The following C10orf90 variants were observed in gnomAD, a reference collection of about 807,000 sequenced individuals.
The protein encoded by C10orf90 is (E2-independent) E3 ubiquitin-conjugating enzyme FATS.
C10orf90 carries 56 observed loss-of-function variants against 62.5 expected under a neutral mutation model. The observed-to-expected ratio is 0.90, with a 90% confidence interval of 0.72 to 1.12. The LOEUF (loss-of-function observed/expected upper bound fraction) is 1.12. C10orf90 is among the 50% of genes most tolerant of loss of function. The pLI is 0.00. For missense variants in C10orf90, 970 were observed against 880.4 expected (o/e 1.10, Z -1.29); for synonymous variants, 386 against 340.4 (o/e 1.13, Z -1.47).
intron 8 of C10orf90, among the ~76,000 whole-genome samples, chr10:126,427,692 C>T (rs529459567): frequency 7.9e-5 from 12 of 152,298 alleles, no homozygotes; most frequent in Non-Finnish European, 1.6e-4. Flanking sequence ...ATTCTTCGGC[C>T]TCTGGACTCT....
chr10:126,469,660 C>G (rs919589969), intron 4 of C10orf90: 2 of 346,176 alleles, frequency 5.8e-6, no homozygotes, highest in Middle Eastern at 9.5e-4. Flanking sequence ...TGCCATGAAC[C>G]TAAACAGCCC....
At chr10:126,440,900 G>T (rs1266269615) in intron 7 of C10orf90, among the ~76,000 whole-genome samples, 1 of 152,166 alleles carries the variant, frequency 6.6e-6, no homozygotes, top group African/African-American at 2.4e-5. Context: ...ACAGCCTTCA[G>T]CCCTAGACCT....
At chr10:126,616,526 G>A (rs1245746215) in intron 2 of C10orf90, among the ~76,000 whole-genome samples, 2 of 152,120 alleles carry the variant, frequency 1.3e-5, no homozygotes, top group African/African-American at 4.8e-5. Context: ...CTGGGCCTGG[G>A]GAAGATTTCG....
intron 4 of C10orf90, 26 bp from the exon 5 acceptor site, chr10:126,465,012 CA>C: frequency 6.3e-7 from 1 of 1,588,254 alleles, no homozygotes; most frequent in Non-Finnish European, 8.6e-7. Context: ...GAGTTGTGCT[CA>C]AAATCTCTTA....
Position 126,459,080 on chromosome 10 carries a change from G to A in C10orf90, c.2148C>T (p.Arg716=), listed in dbSNP as rs1282530841. 1 of 1,613,824 alleles carries A rather than the reference G, an allele frequency of 6.2e-7. No individual in the cohort carries two copies. Among genetic ancestry groups the A allele is most frequent in the Non-Finnish European group, 8.5e-7 (1 of 1,180,030 alleles). ...GAATCGTGAACTGCTTCTTGCTGGTGCGGATGGGAAGGAGGCTCTGCTTCT... is the reference window on the plus strand; with the variant it reads ...GAATCGTGAACTGCTTCTTGCTGGTACGGATGGGAAGGAGGCTCTGCTTCT... ...LRQKQSLLPI[R]TSKKQFTIPH... Residue 716 remains arginine, a synonymous_variant, in exon 7 of 10, where the codon CGC becomes CGT. Coordinates refer to ENST00000488181, the MANE Select transcript of C10orf90 (RefSeq NM_001350921.2).
chr10:126,529,243 G>A (rs1279449341), intron 2 of C10orf90, among the ~76,000 whole-genome samples: 2 of 152,076 alleles, frequency 1.3e-5, no homozygotes, highest in African/African-American at 4.8e-5. Flanking sequence ...AACCTTAAAC[G>A]CAAAAGGTAA....
intron 2 of C10orf90, among the ~76,000 whole-genome samples, chr10:126,570,119 G>A (rs942079582): frequency 2.0e-5 from 3 of 152,180 alleles, no homozygotes; most frequent in Admixed American, 6.5e-5. Flanking sequence ...TGAGCTCTGC[G>A]CTGATCGTAT....
At chr10:126,510,025 C>G (rs1863002520) in intron 3 of C10orf90, among the ~76,000 whole-genome samples, 1 of 152,186 alleles carries the variant, frequency 6.6e-6, no homozygotes, top group African/African-American at 2.4e-5. Flanking sequence ...CTTCCTGCAT[C>G]TTTACACGGT....
chr10:126,470,198 GC>G (rs1431479271), intron 4 of C10orf90: 2 of 389,904 alleles, frequency 5.1e-6, no homozygotes, highest in Admixed American at 2.8e-5. Flanking sequence ...CATGTTGCAT[GC>G]TGCAGAGGAG....
At chr10:126,533,570 T>C (rs1306464751) in intron 2 of C10orf90, among the ~76,000 whole-genome samples, 5 of 152,190 alleles carry the variant, frequency 3.3e-5, no homozygotes, top group Admixed American at 6.5e-5. Context: ...TGGGTGGTCA[T>C]TCCCCTGGAT....
At chr10:126,466,071 T>C (rs1860267750) in intron 4 of C10orf90, among the ~76,000 whole-genome samples, 1 of 152,070 alleles carries the variant, frequency 6.6e-6, no homozygotes, top group Non-Finnish European at 1.5e-5. Flanking sequence ...GAATGCCCTA[T>C]ACGTTTTTTA....
chr10:126,531,343 G>A (rs1021407031), intron 2 of C10orf90, among the ~76,000 whole-genome samples: 1 of 152,164 alleles, frequency 6.6e-6, no homozygotes, highest in Non-Finnish European at 1.5e-5. Context: ...GCATTGGTGG[G>A]TAGACGCTAA....
At chr10:126,521,442 G>A in intron 2 of C10orf90, 2 of 1,539,744 alleles carry the variant, frequency 1.3e-6, no homozygotes, top group Non-Finnish European at 1.7e-6. Context: ...GGCTCAGAAT[G>A]AGTCAGGCTT....
intron 2 of C10orf90, among the ~76,000 whole-genome samples, chr10:126,550,799 C>A (rs569646383): frequency 3.3e-5 from 5 of 152,136 alleles, no homozygotes; most frequent in Non-Finnish European, 7.4e-5. Context: ...CATGAGTCAC[C>A]GTGCCTGACC....
At chr10:126,532,003 C>T (rs1355310276) in intron 2 of C10orf90, among the ~76,000 whole-genome samples, 3 of 152,168 alleles carry the variant, frequency 2.0e-5, no homozygotes, top group African/African-American at 7.2e-5. Context: ...TTGGAAATCA[C>T]ACACATTTGG....
At chr10:126,516,637 G>A (rs1261518851) in intron 2 of C10orf90, among the ~76,000 whole-genome samples, 1 of 152,224 alleles carries the variant, frequency 6.6e-6, no homozygotes, top group East Asian at 1.9e-4. Flanking sequence ...CCAGCAGGGA[G>A]GCGGAGGGAC....
intron 2 of C10orf90, among the ~76,000 whole-genome samples, chr10:126,548,347 A>G (rs923647082): frequency 6.6e-6 from 1 of 152,144 alleles, no homozygotes; most frequent in Non-Finnish European, 1.5e-5. Context: ...GGTTGAGAAC[A>G]GCCTGGGAAA....
chr10:126,594,803 C>T (rs748995613), intron 2 of C10orf90, among the ~76,000 whole-genome samples: 3 of 151,860 alleles, frequency 2.0e-5, no homozygotes, highest in Non-Finnish European at 4.4e-5. Context: ...GTTCAAAAGA[C>T]AGAAAGAGAA....
chr10:126,533,433 G>A (rs571773293), intron 2 of C10orf90, among the ~76,000 whole-genome samples: 2 of 152,180 alleles, frequency 1.3e-5, no homozygotes, highest in Non-Finnish European at 2.9e-5. Context: ...AGACCAGTCC[G>A]TTTAAACTCA....
Sources: gnomAD v4.1 joint callset for allele counts (sites outside exome capture counted in the v4.1 genomes callset) on GRCh38, gnomAD v4.1.1 for gene constraint, MANE v1.5 for transcripts, NCBI Gene and HGNC (gene_info 2026-07-23, HGNC 2026-07-21) for gene names.